The following HMGB1 variants were observed in gnomAD, a reference collection of about 807,000 sequenced individuals.
The protein encoded by HMGB1 is high mobility group protein B1.
For missense variants in HMGB1, 79 were observed against 253.5 expected (o/e 0.31, Z 4.67); for synonymous variants, 81 against 84.0 (o/e 0.96, Z 0.19).
At chr13:30,584,948 G>A (rs1223995043) in intron 1 of HMGB1, among the ~76,000 whole-genome samples, 2 of 152,120 alleles carry the variant, frequency 1.3e-5, no homozygotes, top group Admixed American at 1.3e-4. Context: ...AGGAATTCGA[G>A]ACCAGCCTGG....
chr13:30,579,383 G>A (rs1566030786), intron 1 of HMGB1, among the ~76,000 whole-genome samples: 1 of 152,144 alleles, frequency 6.6e-6, no homozygotes, highest in African/African-American at 2.4e-5. Flanking sequence ...AATGTAAAAC[G>A]CATGTTCCAT....
At chr13:30,552,182 G>C (rs891986970) in intron 1 of HMGB1, among the ~76,000 whole-genome samples, 2 of 152,036 alleles carry the variant, frequency 1.3e-5, no homozygotes, top group Non-Finnish European at 2.9e-5. Context: ...ATATCCTTTA[G>C]TTATATTCAC....
intron 1 of HMGB1, among the ~76,000 whole-genome samples, chr13:30,587,003 A>G (rs1254364748): frequency 6.6e-6 from 1 of 152,188 alleles, no homozygotes; most frequent in East Asian, 1.9e-4. Flanking sequence ...ACTAGTTATT[A>G]TAATTAAAAT....
At chr13:30,518,928 G>A (rs532963128) in intron 1 of HMGB1, among the ~76,000 whole-genome samples, 1 of 150,870 alleles carries the variant, frequency 6.6e-6, no homozygotes, top group Non-Finnish European at 1.5e-5. Flanking sequence ...TTTTTGTAGA[G>A]ATGGGGGCTG....
intron 1 of HMGB1, among the ~76,000 whole-genome samples, chr13:30,510,018 T>G (rs2137462656): frequency 6.6e-6 from 1 of 152,302 alleles, no homozygotes; most frequent in South Asian, 2.1e-4. Context: ...CAATTTCACC[T>G]GTGTGTCCCA....
At chr13:30,538,667 T>C (rs571731261) in intron 1 of HMGB1, among the ~76,000 whole-genome samples, 888 of 17,750 alleles carry the variant, frequency 0.05, 63 homozygotes, top group Middle Eastern at 0.11. Context: ...TTCTTTCCTT[T>C]CTTTCTTTCT....
intron 1 of HMGB1, among the ~76,000 whole-genome samples, chr13:30,585,067 T>C (rs1228434202): frequency 6.6e-6 from 1 of 151,842 alleles, no homozygotes; most frequent in African/African-American, 2.4e-5. Context: ...GGAGGACTGC[T>C]TGACCCCAGG....
chr13:30,467,265 C>A (rs1350278580), upstream of HMGB1, among the ~76,000 whole-genome samples: 5 of 152,180 alleles, frequency 3.3e-5, no homozygotes, highest in African/African-American at 4.8e-5. Context: ...CTAAATCCAA[C>A]AACCAATTCC....
intron 1 of HMGB1, among the ~76,000 whole-genome samples, chr13:30,598,892 T>C (rs1566036615): frequency 8.0e-6 from 1 of 124,388 alleles, no homozygotes; most frequent in Non-Finnish European, 1.8e-5. Flanking sequence ...TATATACATG[T>C]ACACACGTAT....
intron 1 of HMGB1, among the ~76,000 whole-genome samples, chr13:30,485,483 CCGGAAAACA>C (rs758983966): frequency 2.0e-5 from 3 of 152,162 alleles, no homozygotes; most frequent in South Asian, 2.1e-4. Context: ...TGTGGTGTCA[CCGGAAAACA>C]CGGAAAACAC....
At chr13:30,489,605 C>T (rs1190895777) in intron 1 of HMGB1, among the ~76,000 whole-genome samples, 6 of 152,140 alleles carry the variant, frequency 3.9e-5, no homozygotes, top group African/African-American at 9.7e-5. Flanking sequence ...CAGAGGTTAA[C>T]ACTGTTAATA....
intron 1 of HMGB1, chr13:30,542,487 C>T (rs1487520967): frequency 6.4e-6 from 1 of 156,834 alleles, no homozygotes; most frequent in African/African-American, 2.4e-5. Flanking sequence ...TCTTCCTCTT[C>T]TTCTTCACTG....
intron 1 of HMGB1, among the ~76,000 whole-genome samples, chr13:30,505,818 C>T (rs945447991): frequency 6.6e-5 from 10 of 152,040 alleles, no homozygotes; most frequent in Non-Finnish European, 1.0e-4. Flanking sequence ...CTTTTTGGAT[C>T]CCCCCTTTGT....
intron 1 of HMGB1, among the ~76,000 whole-genome samples, chr13:30,510,421 C>T (rs1396772102): frequency 1.3e-5 from 2 of 152,094 alleles, no homozygotes; most frequent in South Asian, 2.1e-4. Context: ...GAGATTAATA[C>T]ACATAAAAGT....
chr13:30,557,661 C>T (rs914078087), intron 1 of HMGB1, among the ~76,000 whole-genome samples: 6 of 152,250 alleles, frequency 3.9e-5, no homozygotes, highest in African/African-American at 9.6e-5. Context: ...TTTTGCAAGA[C>T]ACTTCCAGGG....
At chr13:30,483,260 A>G (rs993067750) in intron 1 of HMGB1, among the ~76,000 whole-genome samples, 6 of 152,158 alleles carry the variant, frequency 3.9e-5, no homozygotes, top group Non-Finnish European at 8.8e-5. Flanking sequence ...TGGCACGGCC[A>G]TAAAGAATCA....
chr13:30,538,572 CT>C (rs1187748519), intron 1 of HMGB1, among the ~76,000 whole-genome samples: 24 of 75,468 alleles, frequency 3.2e-4, no homozygotes, highest in African/African-American at 2.8e-3. Flanking sequence ...TCTTCTTTTT[CT>C]TTCTTTCTTT....
Position 30,463,613 on chromosome 13 carries a change from C to T in HMGB1, c.68G>A (p.Cys23Tyr). 1.2e-6 allele frequency: 2 copies of T among 1,601,146 alleles called. No homozygotes were observed. The highest frequency in any genetic ancestry group is 1.7e-6 in the Non-Finnish European group (2 of 1,173,788). Residue 23 changes from cysteine (C) to tyrosine (Y), a missense_variant, in exon 2 of 5, where the codon TGT becomes TAT. By Grantham distance (194) the Cys-to-Tyr change is radical. Coordinates refer to ENST00000341423, the MANE Select transcript of HMGB1 (RefSeq NM_002128.7). ...GTGCTTCTTCTTATGCTCCTCCCGACAAGTTTGCACAAAAAATGCATATGA... is the reference window on the plus strand; with the variant it reads ...GTGCTTCTTCTTATGCTCCTCCCGATAAGTTTGCACAAAAAATGCATATGA... ...MSSYAFFVQTCREEHKKKHPD... is the reference protein window; with the variant it reads ...MSSYAFFVQTYREEHKKKHPD...
chr13:30,483,542 T>G (rs1322777926), intron 1 of HMGB1, among the ~76,000 whole-genome samples: 1 of 152,060 alleles, frequency 6.6e-6, no homozygotes, highest in Admixed American at 6.6e-5. Context: ...AATTATGACA[T>G]TATGATCGTG....
Sources: allele counts gnomAD v4.1 joint callset (sites outside exome capture counted in the v4.1 genomes callset), GRCh38; gene constraint gnomAD v4.1.1; transcripts MANE v1.5; gene names NCBI Gene and HGNC (gene_info 2026-07-23, HGNC 2026-07-21).